Variants in WWC1 observed in about 807,000 individuals in gnomAD.
WWC1 encodes WW and C2 domain containing 1.
A neutral mutation model predicts 138.4 loss-of-function variants in WWC1; 55 were observed. That is an observed-to-expected ratio of 0.40 (90% confidence interval 0.32 to 0.50). The LOEUF (loss-of-function observed/expected upper bound fraction) is 0.50. Among genes scored for constraint, WWC1 ranks in the 20% least tolerant of loss-of-function variants. The probability of loss-of-function intolerance (pLI) is 0.72; values close to 1 mark genes in which losing one functional copy is unlikely to be tolerated. For missense variants in WWC1, 1,226 were observed against 1,420.4 expected (o/e 0.86, Z 2.20); for synonymous variants, 524 against 564.9 (o/e 0.93, Z 1.03).
intron 21 of WWC1, among the ~76,000 whole-genome samples, chr5:168,466,390 G>A (rs1757297881): frequency 6.6e-6 from 1 of 151,962 alleles, no homozygotes; most frequent in Admixed American, 6.6e-5. Context: ...CGCCACCCAC[G>A]GCAAAAAAGA....
intron 15 of WWC1, among the ~76,000 whole-genome samples, chr5:168,438,787 C>A (rs1438804569): frequency 2.0e-5 from 3 of 151,262 alleles, no homozygotes; most frequent in Non-Finnish European, 4.4e-5. Flanking sequence ...TCTAGGAAGG[C>A]TGTAGGGGAA....
chr5:168,365,721 C>A (rs1200596075), intron 1 of WWC1, among the ~76,000 whole-genome samples: 4 of 152,172 alleles, frequency 2.6e-5, no homozygotes, highest in Admixed American at 1.3e-4. Flanking sequence ...CCTGGCAGAA[C>A]CTACCTGTCT....
chr5:168,366,518 C>T (rs1776301065), intron 1 of WWC1, among the ~76,000 whole-genome samples: 1 of 152,190 alleles, frequency 6.6e-6, no homozygotes, highest in South Asian at 2.1e-4. Context: ...CTCTTGCCTC[C>T]CTCTGCTTTA....
At chr5:168,377,111 T>C (rs1176413764) in intron 2 of WWC1, among the ~76,000 whole-genome samples, 1 of 152,084 alleles carries the variant, frequency 6.6e-6, no homozygotes, top group African/African-American at 2.4e-5. Flanking sequence ...GAATAGAGAA[T>C]TTAGAATAAA....
rs1769061291 is a variant in WWC1 at position 168,291,647 on chromosome 5, T to C, written c.-506T>C. On this transcript the variant is annotated 5_prime_UTR_variant, in exon 1 of 23. Coordinates refer to ENST00000265293, the MANE Select transcript of WWC1 (RefSeq NM_015238.3). ...AGGCGCCCGGCGCTCCGCCTCCCGT[T>C]TCCGGGGCAGCGCGGTTACCTGCAC... 1.3e-5 allele frequency: 2 copies of C among 152,146 alleles called. No homozygotes were observed. Among genetic ancestry groups the C allele is most frequent in the Admixed American group, 6.5e-5 (1 of 15,298 alleles). 9.4% of individuals were successfully genotyped at this position (152,146 alleles called of 1,614,324 possible).
chr5:168,447,497 G>C (rs1287627739), intron 17 of WWC1, among the ~76,000 whole-genome samples: 1 of 152,038 alleles, frequency 6.6e-6, no homozygotes, highest in Non-Finnish European at 1.5e-5. Flanking sequence ...ACTGAAATTT[G>C]CATTTTATAT....
chr5:168,305,920 A>G (rs1270090967), intron 1 of WWC1, among the ~76,000 whole-genome samples: 2 of 152,206 alleles, frequency 1.3e-5, no homozygotes, highest in African/African-American at 4.8e-5. Context: ...CTGTAGGTAA[A>G]TATCTGCCTT....
chr5:168,310,513 T>C (rs1016256006), intron 1 of WWC1, among the ~76,000 whole-genome samples: 1 of 151,850 alleles, frequency 6.6e-6, no homozygotes, highest in Non-Finnish European at 1.5e-5. Context: ...ATATAAAATA[T>C]TTATGTACAA....
rs1169703493 is a variant in WWC1, at chr5:168,292,412, T to TC, written c.119+147dup. ...CTCTCTTCAGTTCGCCACCCCCTGC[T>TC]CCCCCCAACCTTCTGGAGCGCTGCT... On this transcript the variant is annotated intron_variant, in intron 1 of 22. Coordinates refer to ENST00000265293, the MANE Select transcript of WWC1 (RefSeq NM_015238.3). The surrounding 1 kb of genome is among the most constrained non-coding windows in gnomAD (Gnocchi z 4.4). 7 of 940,598 alleles carry TC rather than the reference T, an allele frequency of 7.4e-6. No individual in the cohort carries two copies. The highest frequency in any genetic ancestry group is 7.1e-5 in the South Asian group (4 of 56,576). The allele number at this position is 940,598 out of a possible 1,614,324, so 58.3% of individuals were successfully genotyped here.
intron 11 of WWC1, 25 bp downstream of exon 11, chr5:168,424,093 T>G (rs775983645): frequency 6.4e-7 from 1 of 1,555,234 alleles, no homozygotes. Flanking sequence ...ACCCAGAGGG[T>G]GGGAACCAGG....
intron 18 of WWC1, among the ~76,000 whole-genome samples, chr5:168,454,923 C>T (rs1299174093): frequency 6.6e-6 from 1 of 152,248 alleles, no homozygotes; most frequent in African/African-American, 2.4e-5. Context: ...CAAGATTTGC[C>T]AATTGCCTTC....
chr5:168,362,626 C>G (rs1349589828), intron 1 of WWC1, among the ~76,000 whole-genome samples: 1 of 152,218 alleles, frequency 6.6e-6, no homozygotes, highest in Non-Finnish European at 1.5e-5. Flanking sequence ...GCTTTACCTA[C>G]TCTAATCCAT....
At chr5:168,406,935 C>T (rs1428548619) in intron 6 of WWC1, among the ~76,000 whole-genome samples, 1 of 150,524 alleles carries the variant, frequency 6.6e-6, no homozygotes, top group African/African-American at 2.5e-5. Context: ...CAGTGAGACT[C>T]TGTCTCAAAA....
chr5:168,373,773 G>A (rs1363399859), intron 2 of WWC1, among the ~76,000 whole-genome samples: 30 of 138,974 alleles, frequency 2.2e-4, no homozygotes, highest in African/African-American at 7.2e-4. Flanking sequence ...TGTGCTGGGC[G>A]CAGTGGCTCA....
At chr5:168,400,426 C>T (rs1181104621) in intron 5 of WWC1, among the ~76,000 whole-genome samples, 2 of 152,106 alleles carry the variant, frequency 1.3e-5, no homozygotes, top group Admixed American at 6.5e-5. Flanking sequence ...AGTGAGAACA[C>T]GCAGTAGCTT....
At chr5:168,405,726 C>A (rs1341508836) in intron 5 of WWC1, among the ~76,000 whole-genome samples, 1 of 141,988 alleles carries the variant, frequency 7.0e-6, no homozygotes, top group Non-Finnish European at 1.5e-5. Flanking sequence ...CCTTTTCTTT[C>A]TTTCTTTTTT....
chr5:168,367,608 T>G (rs923444310), intron 1 of WWC1, among the ~76,000 whole-genome samples: 1 of 152,150 alleles, frequency 6.6e-6, no homozygotes, highest in African/African-American at 2.4e-5. Context: ...CATGAGCCAC[T>G]GCGCCTGGCC....
chr5:168,359,033 GGTGTGTGTGTGT>G (rs58992917), intron 1 of WWC1, among the ~76,000 whole-genome samples: 1,973 of 147,712 alleles, frequency 0.013, 37 homozygotes, highest in African/African-American at 0.039. Flanking sequence ...GTGGTGGTGG[GGTGTGTGTGTGT>G]GTGTGTGTGT....
rs1781288581 is a variant in WWC1 at position 168,423,590 on chromosome 5, C to A, written c.1332C>A (p.Ser444=). The A allele has an allele frequency of 6.2e-7, 1 of 1,613,994 alleles. No homozygotes were observed. The highest frequency in any genetic ancestry group is 1.3e-5 in the African/African-American group (1 of 74,924). Residue 444 remains serine (S), a synonymous_variant, in exon 11 of 23, where the codon TCC becomes TCA. Transcript: ENST00000265293. ...SSGSSPGSLT[S]SRGSLVASSL... ...GCAGCAGCCCCGGATCCCTCACGTCCAGCCGGGGCTCCCTGGTTGCATCCA... is the reference window on the plus strand; with the variant it reads ...GCAGCAGCCCCGGATCCCTCACGTCAAGCCGGGGCTCCCTGGTTGCATCCA...
Sources: gnomAD v4.1 joint callset for allele counts (sites outside exome capture counted in the v4.1 genomes callset) on GRCh38, gnomAD v4.1.1 for gene constraint, Gnocchi (gnomAD v3.1) non-coding constraint, MANE v1.5 for transcripts, NCBI Gene and HGNC (gene_info 2026-07-23, HGNC 2026-07-21) for gene names.